Variants in SRC observed in about 807,000 individuals in gnomAD.
SRC encodes the protein proto-oncogene tyrosine-protein kinase Src.
A neutral mutation model predicts 62.9 loss-of-function variants in SRC; 13 were observed. That is an observed-to-expected ratio of 0.21 (90% CI 0.13 to 0.33). The LOEUF (loss-of-function observed/expected upper bound fraction) is 0.33. Ranked by LOEUF, SRC falls within the 10% of genes least tolerant of loss-of-function variation. SRC has a pLI of 1.00. For synonymous variants in SRC, 302 were observed against 317.5 expected, an observed-to-expected ratio of 0.95 and a Z score of 0.52; for missense variants, 457 against 737.3, an observed-to-expected ratio of 0.62 and a Z score of 4.40.
chr20:37,353,825 T>C (rs1027527260), intron 1 of SRC, among the ~76,000 whole-genome samples: 3 of 152,176 alleles, frequency 2.0e-5, no homozygotes, highest in Admixed American at 6.5e-5. Context: ...AGTTCCTCAC[T>C]GGGCAGCGTG....
At chr20:37,368,676 C>T (rs1168416554) in intron 2 of SRC, among the ~76,000 whole-genome samples, 2 of 148,134 alleles carry the variant, frequency 1.4e-5, no homozygotes, top group Non-Finnish European at 3.0e-5. Context: ...CCTCAGCCTC[C>T]CAAGTAGCTG....
chr20:37,397,885 C>T lies in SRC; in HGVS notation c.859+31C>T. The stretch of plus-strand genomic sequence containing the variant: ...GCCTGGCCCCTGCCCTCGGGAGAGG[C>T]ATCCACCCCCCACCCCGTGTGGCAG... On this transcript the variant is annotated intron_variant, in intron 9 of 13. Coordinates refer to ENST00000373578, the MANE Select transcript of SRC (RefSeq NM_198291.3). The surrounding 1 kb of genome is among the most constrained non-coding windows in gnomAD (Gnocchi z 4.1). The T allele has an allele frequency of 6.3e-7, 1 of 1,589,168 alleles. No individual in the cohort carries two copies. Among genetic ancestry groups the T allele is most frequent in the Non-Finnish European group, 8.5e-7 (1 of 1,170,060 alleles).
In SRC at chr20:37,397,802, G is replaced by A. The variant is rs199717327; in HGVS notation, c.807G>A (p.Ser269=). Residue 269 remains serine (S), a synonymous_variant, in exon 9 of 14, where the codon TCG becomes TCA. Coordinates refer to ENST00000373578, the MANE Select transcript of SRC (RefSeq NM_198291.3). This position sits in a 1 kb window ranked among gnomAD's most constrained non-coding sequence, Gnocchi z 4.1. ...AKDAWEIPRE[S]LRLEVKLGQG... ...ATGCCTGGGAGATCCCTCGGGAGTC[G>A]CTGCGGCTGGAGGTCAAGCTGGGCC... 102 of 1,611,964 alleles carry A rather than the reference G, an allele frequency of 6.3e-5. No homozygotes were observed. The African/African-American group carries it at 8.0e-4, about 13-fold the overall frequency.
In SRC at chr20:37,351,566, T is replaced by C. The variant is rs1279511915; in HGVS notation, c.-247+5311T>C. Among the ~76,000 whole-genome samples the C allele has an allele frequency of 6.6e-6, 1 of 152,010 alleles. No homozygotes were observed. The highest frequency in any genetic ancestry group is 2.4e-5 in the African/African-American group (1 of 41,388). Reference sequence around the variant, plus strand: ...GCTGGGAGTGGAAATTGAGCTGGAGTGGCCTGGGGAAGCATGGCCTCCCTG... The same window carrying C: ...GCTGGGAGTGGAAATTGAGCTGGAGCGGCCTGGGGAAGCATGGCCTCCCTG... On this transcript the variant is annotated intron_variant, in intron 1 of 13. Transcript: ENST00000373578. The surrounding 1 kb of genome is among the most constrained non-coding windows in gnomAD (Gnocchi z 4.4).
rs34256652 is a variant in SRC, at chr20:37,356,042, T to C, written c.-246-9162T>C. Among the ~76,000 whole-genome samples the C allele has an allele frequency of 3.8e-3, 579 of 152,284 alleles. 7 individuals are homozygous for C. The highest frequency in any genetic ancestry group is 0.013 in the African/African-American group (555 of 41,558). On this transcript the variant is annotated intron_variant, in intron 1 of 13. Transcript: ENST00000373578. ...CCGGCCTCAGAGGCTCAATTACTTTTGCCAAGTAAAGGCAGCCCACAGGGT... is the reference window on the plus strand; with the variant it reads ...CCGGCCTCAGAGGCTCAATTACTTTCGCCAAGTAAAGGCAGCCCACAGGGT...
intron 2 of SRC, among the ~76,000 whole-genome samples, chr20:37,371,370 A>T (rs1159173046): frequency 6.6e-6 from 1 of 152,078 alleles, no homozygotes; most frequent in Non-Finnish European, 1.5e-5. Context: ...TTGACATAGA[A>T]TTATTCATAG....
chr20:37,403,383 C>T lies in SRC; in HGVS notation c.*4C>T, dbSNP rs777738271. Reference sequence around the variant, plus strand: ...CCAGCCCGGGGAGAACCTCTAGGCACAGGCGGGCCCAGACCGGCTTCTCGG... The same window carrying T: ...CCAGCCCGGGGAGAACCTCTAGGCATAGGCGGGCCCAGACCGGCTTCTCGG... On this transcript the variant is annotated 3_prime_UTR_variant, in exon 14 of 14. Coordinates refer to ENST00000373578, the MANE Select transcript of SRC (RefSeq NM_198291.3). This position sits in a 1 kb window ranked among gnomAD's most constrained non-coding sequence, Gnocchi z 7.1. 3 of 1,580,438 alleles carry T rather than the reference C, an allele frequency of 1.9e-6. No homozygotes were observed. Among genetic ancestry groups the T allele is most frequent in the Admixed American group, 3.6e-5 (2 of 55,648 alleles).
chr20:37,381,030 G>C (rs989678739), intron 2 of SRC, among the ~76,000 whole-genome samples: 1 of 152,054 alleles, frequency 6.6e-6, no homozygotes, highest in Non-Finnish European at 1.5e-5. Context: ...CCGATCGATA[G>C]AGAGGAAAAC....
chr20:37,397,790 C>T lies in SRC; in HGVS notation c.795C>T (p.Ile265=), dbSNP rs761080433. 2 of 1,612,532 alleles carry T rather than the reference C, an allele frequency of 1.2e-6. No homozygotes were observed. The highest frequency in any genetic ancestry group is 1.7e-6 in the Non-Finnish European group (2 of 1,179,790). The part of the protein sequence containing the change: ...TQGLAKDAWE[I]PRESLRLEVK... Reference sequence around the variant, plus strand: ...GCCTGGCCAAGGATGCCTGGGAGATCCCTCGGGAGTCGCTGCGGCTGGAGG... The same window carrying T: ...GCCTGGCCAAGGATGCCTGGGAGATTCCTCGGGAGTCGCTGCGGCTGGAGG... Residue 265 remains isoleucine, a synonymous_variant, in exon 9 of 14, where the codon ATC becomes ATT. Transcript: ENST00000373578. The surrounding 1 kb of genome is among the most constrained non-coding windows in gnomAD (Gnocchi z 4.1).
rs193163050 is a variant in SRC, at chr20:37,373,138, A to G, written c.-173+7861A>G. The stretch of plus-strand genomic sequence containing the variant: ...CACACACATATGTACATATATACAC[A>G]TATGTACATATACACACATACACAC... On this transcript the variant is annotated intron_variant, in intron 2 of 13. Coordinates refer to ENST00000373578, the MANE Select transcript of SRC (RefSeq NM_198291.3). Among the ~76,000 whole-genome samples the G allele has an allele frequency of 1.1e-4, 15 of 139,928 alleles. No homozygotes were observed. In the East Asian group the frequency reaches 2.8e-3, roughly 26 times the overall value. 91.8% of individuals were successfully genotyped at this position (139,928 alleles called of 152,430 possible). A position where few individuals can be genotyped will look rare whatever the true frequency, so the allele number is the denominator to read the frequency against.
Position 37,402,463 on chromosome 20 carries a change from G to A in SRC, c.1145G>A (p.Arg382Gln), listed in dbSNP as rs754204413. 12 of 1,613,816 alleles carry A rather than the reference G, an allele frequency of 7.4e-6. No homozygotes were observed. In the South Asian group the frequency reaches 7.7e-5, roughly 10 times the overall value. The change falls in exon 12 of 14, where the codon CGG (arginine) becomes CAG (glutamine). Residue 382 changes from arginine (R) to glutamine (Q), a missense_variant. Transcript: ENST00000373578. This position sits in a 1 kb window ranked among gnomAD's most constrained non-coding sequence, Gnocchi z 6.2. Reference protein sequence around the residue: ...QIASGMAYVERMNYVHRDLRA... With the variant: ...QIASGMAYVEQMNYVHRDLRA... Reference sequence around the variant, plus strand: ...GCCTCAGGCATGGCGTACGTGGAGCGGATGAACTACGTCCACCGGGACCTT... The same window carrying A: ...GCCTCAGGCATGGCGTACGTGGAGCAGATGAACTACGTCCACCGGGACCTT...
At chr20:37,375,042 T>C (rs1441811545) in intron 2 of SRC, among the ~76,000 whole-genome samples, 1 of 151,868 alleles carries the variant, frequency 6.6e-6, no homozygotes, top group Admixed American at 6.6e-5. Flanking sequence ...GTGATTCTCC[T>C]GCCTCAGCCT....
In SRC at chr20:37,384,551, G is replaced by T. The variant is rs187677944; in HGVS notation, c.250+148G>T. On this transcript the variant is annotated intron_variant, in intron 4 of 13. Transcript: ENST00000373578. The surrounding 1 kb of genome is among the most constrained non-coding windows in gnomAD (Gnocchi z 6.7). ...TGGGTGACTTGGGTGTCCGGGGGGT[G>T]GGGGGGCGGCCGTACACACTGTGAA... is the stretch of plus-strand genomic sequence containing the variant. 333 of 940,940 alleles carry T rather than the reference G, an allele frequency of 3.5e-4. 14 individuals carry two copies. The South Asian group carries it at 5.8e-3, about 17-fold the overall frequency. The allele number at this position is 940,940 out of a possible 1,614,324, so 58.3% of individuals were successfully genotyped here.
Position 37,396,368 on chromosome 20 carries a change from G to C in SRC, c.703+57G>C, listed in dbSNP as rs1239623201. The C allele has an allele frequency of 2.8e-5, 44 of 1,599,168 alleles. No homozygotes were observed. The East Asian group carries it at 9.8e-4, about 36-fold the overall frequency. On this transcript the variant is annotated intron_variant, in intron 8 of 13. Coordinates refer to ENST00000373578, the MANE Select transcript of SRC (RefSeq NM_198291.3). The surrounding 1 kb of genome is among the most constrained non-coding windows in gnomAD (Gnocchi z 6.1). ...GGGCAAAGCCTCAGCTGCAGACTCT[G>C]GGGAGGGGCCTTGGAGCCTAGAAGG...
At chr20:37,348,997 G>C (rs1482190046) in intron 1 of SRC, among the ~76,000 whole-genome samples, 3 of 152,176 alleles carry the variant, frequency 2.0e-5, no homozygotes, top group Admixed American at 2.0e-4. Flanking sequence ...GTGGGTAAGA[G>C]GTAGAATGAG....
chr20:37,361,225 C>T (rs1176218912), intron 1 of SRC, among the ~76,000 whole-genome samples: 1 of 152,104 alleles, frequency 6.6e-6, no homozygotes, highest in Non-Finnish European at 1.5e-5. Flanking sequence ...TGCGGCAGGC[C>T]CCCTCCATCC....
chr20:37,387,790 G>C (rs2070481390), intron 5 of SRC, among the ~76,000 whole-genome samples: 1 of 152,220 alleles, frequency 6.6e-6, no homozygotes, highest in South Asian at 2.1e-4. Flanking sequence ...ATGAACAGCA[G>C]TGACAATGTC....
chr20:37,350,940 C>T (rs1407072529), intron 1 of SRC, among the ~76,000 whole-genome samples: 1 of 152,224 alleles, frequency 6.6e-6, no homozygotes, highest in Non-Finnish European at 1.5e-5. Flanking sequence ...TCTCCTTTCA[C>T]AGATCGGGGG....
chr20:37,346,490 G>T (rs916688018), intron 1 of SRC, among the ~76,000 whole-genome samples: 1 of 152,004 alleles, frequency 6.6e-6, no homozygotes, highest in Non-Finnish European at 1.5e-5. Context: ...GGGCGGGGGG[G>T]GCGCAGGGTT....
Sources: allele counts gnomAD v4.1 joint callset (sites outside exome capture counted in the v4.1 genomes callset), GRCh38; gene constraint gnomAD v4.1.1; non-coding constraint Gnocchi (gnomAD v3.1); transcripts MANE v1.5; gene names NCBI Gene and HGNC (gene_info 2026-07-23, HGNC 2026-07-21).